PLCL2: variants seen among roughly 807,000 people sequenced by gnomAD.
PLCL2 encodes phospholipase C like 2, also known as inactive phospholipase C-like protein 2.
PLCL2 carries 4 observed loss-of-function variants against 79.6 expected under a neutral mutation model. That is an observed-to-expected ratio of 0.05 (90% CI 0.02 to 0.11). The LOEUF (loss-of-function observed/expected upper bound fraction) is 0.11. PLCL2 is among the 10% of genes least tolerant of loss of function. The pLI is 1.00. For synonymous variants in PLCL2, 484 were observed against 457.7 expected, an observed-to-expected ratio of 1.06 and a Z score of -0.73; for missense variants, 895 against 1,291.0, an observed-to-expected ratio of 0.69 and a Z score of 4.70.
chr3:17,053,842 T>A (rs573843766), intron 4 of PLCL2, among the ~76,000 whole-genome samples: 37 of 152,268 alleles, frequency 2.4e-4, no homozygotes, highest in Admixed American at 1.9e-3. Context: ...AGGCCTCAGG[T>A]CTGTGATAGG....
At chr3:16,896,998 G>A (rs2124917730) in intron 1 of PLCL2, among the ~76,000 whole-genome samples, 1 of 152,178 alleles carries the variant, frequency 6.6e-6, no homozygotes, top group South Asian at 2.1e-4. Flanking sequence ...TATATGTTGG[G>A]TTCTCGACTT....
intron 1 of PLCL2, among the ~76,000 whole-genome samples, chr3:16,944,823 G>C (rs2063585471): frequency 6.6e-6 from 1 of 151,548 alleles, no homozygotes; most frequent in South Asian, 2.1e-4. Context: ...GCAGTGGCGT[G>C]ATCTTGGGTC....
chr3:17,001,547 G>T lies in PLCL2; in HGVS notation c.328-8127G>T, dbSNP rs376662110. 4.6e-5 allele frequency among the ~76,000 whole-genome samples: 7 copies of T among 152,134 alleles called. 1 individual carries two copies. Reference sequence around the variant, plus strand: ...ATTTTTGTATATGGTAAGAGATAGGGATCTAGTTTTATTCTTTGCATATGG... The same window carrying T: ...ATTTTTGTATATGGTAAGAGATAGGTATCTAGTTTTATTCTTTGCATATGG... On this transcript the variant is annotated intron_variant, in intron 1 of 5. Coordinates refer to ENST00000615277, the MANE Select transcript of PLCL2 (RefSeq NM_001144382.2).
chr3:17,047,730 TGC>T (rs2064795770), intron 4 of PLCL2, among the ~76,000 whole-genome samples: 1 of 152,228 alleles, frequency 6.6e-6, no homozygotes, highest in Non-Finnish European at 1.5e-5. Context: ...TGCAGTTTAA[TGC>T]AGTGATTTCT....
At chr3:17,066,058 C>T (rs140838432) in intron 4 of PLCL2, among the ~76,000 whole-genome samples, 138 of 152,286 alleles carry the variant, frequency 9.1e-4, no homozygotes, top group Middle Eastern at 3.4e-3. Context: ...AGGAACCCAA[C>T]GGGTGGATCT....
intron 1 of PLCL2, among the ~76,000 whole-genome samples, chr3:17,007,702 T>C (rs905555810): frequency 6.6e-6 from 1 of 152,256 alleles, no homozygotes; most frequent in African/African-American, 2.4e-5. Context: ...TGGTTTTAAA[T>C]TTCAGAGATA....
intron 1 of PLCL2, among the ~76,000 whole-genome samples, chr3:16,999,564 T>C (rs1339144907): frequency 1.3e-5 from 2 of 152,102 alleles, no homozygotes; most frequent in African/African-American, 4.8e-5. Context: ...TAAATAACAT[T>C]TGGGGAATAG....
chr3:17,062,953 C>T (rs933083271), intron 4 of PLCL2, among the ~76,000 whole-genome samples: 2 of 152,026 alleles, frequency 1.3e-5, no homozygotes, highest in African/African-American at 4.8e-5. Context: ...TGTTTATTCT[C>T]CCCAGTGTCT....
intron 1 of PLCL2, among the ~76,000 whole-genome samples, chr3:16,904,662 G>C (rs1254521721): frequency 6.6e-6 from 1 of 152,156 alleles, no homozygotes; most frequent in Non-Finnish European, 1.5e-5. Context: ...GTTTGGCTGT[G>C]TCCCCACCCA....
At chr3:17,079,467 T>C (rs1307644518) in intron 5 of PLCL2, among the ~76,000 whole-genome samples, 1 of 152,214 alleles carries the variant, frequency 6.6e-6, no homozygotes, top group Non-Finnish European at 1.5e-5. Flanking sequence ...GGAGATGTAG[T>C]CAGTCAGAAC....
intron 3 of PLCL2, among the ~76,000 whole-genome samples, chr3:17,039,761 A>C (rs925257137): frequency 6.6e-6 from 1 of 152,148 alleles, no homozygotes; most frequent in African/African-American, 2.4e-5. Context: ...CCTGCTGTTT[A>C]CTTGCAAACC....
intron 1 of PLCL2, among the ~76,000 whole-genome samples, chr3:16,896,762 A>G (rs948906161): frequency 2.3e-4 from 35 of 152,166 alleles, no homozygotes; most frequent in Non-Finnish European, 4.3e-4. Context: ...TCTACTGAAC[A>G]CTTATTCTGC....
rs767703002 is a variant in PLCL2 at position 17,014,773 on chromosome 3, G to T, written c.2880G>T (p.Met960Ile). 3.1e-6 allele frequency: 5 copies of T among 1,614,044 alleles called. No individual in the cohort carries two copies. In the Admixed American group the frequency reaches 8.3e-5, roughly 27 times the overall value. The change falls in exon 3 of 6, where the codon ATG (methionine) becomes ATT (isoleucine). Residue 960 changes from methionine (M) to isoleucine (I), a missense_variant. Physicochemically the swap from Met to Ile is conservative, Grantham distance 10 (BLOSUM62 1). Around this residue, in one of 6 missense-constraint regions of PLCL2, gnomAD observed 298 missense variants for 459.6 expected, o/e 0.65. Coordinates refer to ENST00000615277, the MANE Select transcript of PLCL2 (RefSeq NM_001144382.2). ...CTGTGGCCAATCTCATGCAGTGCATGTTGGCGGTGTCTCCCCGCTTTCTGG... is the reference window on the plus strand; with the variant it reads ...CTGTGGCCAATCTCATGCAGTGCATTTTGGCGGTGTCTCCCCGCTTTCTGG... ...LSSVANLMQC[M>I]LAVSPRFLGP...
intron 3 of PLCL2, among the ~76,000 whole-genome samples, chr3:17,018,555 C>T (rs1405683816): frequency 6.6e-6 from 1 of 152,090 alleles, no homozygotes; most frequent in Non-Finnish European, 1.5e-5. Context: ...ACAGATGGGG[C>T]CTGGGCTCCA....
At chr3:17,068,722 C>T (rs184279580) in intron 5 of PLCL2, among the ~76,000 whole-genome samples, 1 of 152,206 alleles carries the variant, frequency 6.6e-6, no homozygotes, top group Admixed American at 6.5e-5. Context: ...CATCGAGAGA[C>T]AATTACTGTT....
intron 1 of PLCL2, among the ~76,000 whole-genome samples, chr3:16,967,033 C>T (rs2063814811): frequency 1.3e-5 from 2 of 152,064 alleles, no homozygotes; most frequent in Admixed American, 6.6e-5. Context: ...ATTTGGTTTT[C>T]CTGCATTAGT....
intron 1 of PLCL2, among the ~76,000 whole-genome samples, chr3:16,919,298 G>A (rs912917298): frequency 5.3e-5 from 8 of 151,892 alleles, no homozygotes; most frequent in South Asian, 2.1e-4. Flanking sequence ...TGTCCATTTC[G>A]CCTACATTTT....
rs1696884436 is a variant in PLCL2, at chr3:16,911,629, C to T, written c.327+26263C>T. 2.0e-5 allele frequency among the ~76,000 whole-genome samples: 3 copies of T among 152,312 alleles called. No homozygotes were observed. The South Asian group carries it at 6.2e-4, about 32-fold the overall frequency. ...GCTTCACTTTTGTCATACAAAGGTG[C>T]TGGACTCCCAGAGTTCATGCAGTCA... On this transcript the variant is annotated intron_variant, in intron 1 of 5. Coordinates refer to ENST00000615277, the MANE Select transcript of PLCL2 (RefSeq NM_001144382.2).
chr3:17,024,855 G>T (rs932666627), intron 3 of PLCL2, among the ~76,000 whole-genome samples: 2 of 152,184 alleles, frequency 1.3e-5, no homozygotes, highest in African/African-American at 4.8e-5. Context: ...TGTGCTGTGG[G>T]CACAGAGGCG....
Sources: gnomAD v4.1 joint callset for allele counts (sites outside exome capture counted in the v4.1 genomes callset) on GRCh38, gnomAD v4.1.1 for gene constraint, gnomAD v4.1.1 regional missense constraint, MANE v1.5 for transcripts, NCBI Gene and HGNC (gene_info 2026-07-23, HGNC 2026-07-21) for gene names.